Variants in PLD2 observed in about 807,000 individuals in gnomAD.
The protein encoded by PLD2 is phospholipase D2, also known as choline phosphatase 2.
Under a neutral mutation model 119.8 loss-of-function variants are expected in PLD2, and 101 were observed. The ratio of observed to expected loss-of-function variants is 0.84; its 90% CI spans 0.72 to 0.99. The LOEUF is 0.99. Among genes scored for constraint, PLD2 ranks in the 50% least tolerant of loss-of-function variants. The pLI, the probability that PLD2 is intolerant of heterozygous loss-of-function variation, is 0.00. For missense variants in PLD2, 1,164 were observed against 1,226.8 expected (o/e 0.95, Z 0.76); for synonymous variants, 494 against 482.8 (o/e 1.02, Z -0.30).
intron 6 of PLD2, 39 bp from the exon 7 acceptor site, chr17:4,809,454 A>G (rs1906209815): frequency 2.5e-6 from 4 of 1,610,666 alleles, no homozygotes; most frequent in Non-Finnish European, 3.4e-6. Flanking sequence ...AGGGGCTGAA[A>G]GCCAGGTGTC....
intron 15 of PLD2, 36 bp from the exon 16 acceptor site, chr17:4,816,901 C>A (rs1351925718): frequency 1.3e-6 from 2 of 1,590,630 alleles, no homozygotes; most frequent in South Asian, 2.2e-5. Flanking sequence ...GGAGTCCAGC[C>A]CTGACATCTC....
Position 4,807,757 on chromosome 17 carries a change from T to TC in PLD2, c.-1-12dup, listed in dbSNP as rs748719865. 1.3e-5 allele frequency: 20 copies of TC among 1,493,962 alleles called. No individual in the cohort carries two copies. The highest frequency in any genetic ancestry group is 1.2e-4 in the Admixed American group (7 of 58,102). 92.5% of individuals were successfully genotyped at this position (1,493,962 alleles called of 1,614,324 possible). A position where few individuals can be genotyped will look rare whatever the true frequency, so the allele number is the denominator to read the frequency against. ...CAGGACAGCTCGCCTCCCTGAGGCT[T>TC]CCCAATGTTCCTAGGATGACGGCGA... On this transcript the variant is annotated splice_polypyrimidine_tract_variant and intron_variant, in intron 1 of 24. Coordinates refer to ENST00000263088, the MANE Select transcript of PLD2 (RefSeq NM_002663.5). This position sits in a 1 kb window ranked among gnomAD's most constrained non-coding sequence, Gnocchi z 5.4.
chr17:4,814,216 G>T, intron 10 of PLD2: 1 of 643,582 alleles, frequency 1.6e-6, no homozygotes, highest in Non-Finnish European at 2.5e-6. Context: ...TTAGGTTATT[G>T]TGTCTTTTTG....
At chr17:4,821,934 A>C in intron 24 of PLD2, 27 bp downstream of exon 24, 1 of 1,480,228 alleles carries the variant, frequency 6.8e-7, no homozygotes, top group South Asian at 1.1e-5. Context: ...GGTGGGGGAG[A>C]GTGGCCTGGG....
intron 13 of PLD2, 60 bp downstream of exon 13, chr17:4,815,646 C>T (rs989250195): frequency 3.2e-6 from 5 of 1,573,728 alleles, no homozygotes; most frequent in Non-Finnish European, 4.4e-6. Context: ...ACTGTCCCAG[C>T]CCCCAGCGCT....
chr17:4,810,880 A>G lies in PLD2; in HGVS notation c.939A>G (p.Pro313=). 6.2e-7 allele frequency: 1 copy of G among 1,613,972 alleles called. No homozygotes were observed. Among genetic ancestry groups the G allele is most frequent in the Non-Finnish European group, 8.5e-7 (1 of 1,179,972 alleles). ...AQEITELAQG[P]GRDFLQLHRH... ...AGATCACTGAGCTGGCACAGGGCCC[A>G]GGCAGAGACTTCCTACAGCTGCACC... Residue 313 remains proline, a synonymous_variant, in exon 10 of 25, where the codon CCA becomes CCG. Transcript: ENST00000263088.
chr17:4,818,471 C>T (rs2150678563), intron 19 of PLD2, 23 bp from the exon 20 acceptor site: 1 of 1,604,374 alleles, frequency 6.2e-7, no homozygotes, highest in Non-Finnish European at 8.5e-7. Flanking sequence ...CCAGTCGCAC[C>T]TCTGACTCCA....
At chr17:4,818,213 GC>G in intron 18 of PLD2, 83 bp from the exon 19 acceptor site, 1 of 1,425,670 alleles carries the variant, frequency 7.0e-7, no homozygotes, top group South Asian at 1.2e-5. Context: ...AGAAGCAGAC[GC>G]CTGGAGCCTG....
Position 4,807,735 on chromosome 17 carries a change from G to T in PLD2, c.-1-37G>T. 1 of 1,202,070 alleles carries T rather than the reference G, an allele frequency of 8.3e-7. No individual in the cohort carries two copies. The highest frequency in any genetic ancestry group is 1.2e-6 in the Non-Finnish European group (1 of 820,972). The allele number at this position is 1,202,070 out of a possible 1,614,324, so 74.5% of individuals were successfully genotyped here. A position where few individuals can be genotyped will look rare whatever the true frequency, so the allele number is the denominator to read the frequency against. On this transcript the variant is annotated intron_variant, in intron 1 of 24. Coordinates refer to ENST00000263088, the MANE Select transcript of PLD2 (RefSeq NM_002663.5). This position sits in a 1 kb window ranked among gnomAD's most constrained non-coding sequence, Gnocchi z 5.4. Reference sequence around the variant, plus strand: ...TTAGGATGGGGGGCGGGTTCTGCAGGACAGCTCGCCTCCCTGAGGCTTCCC... The same window carrying T: ...TTAGGATGGGGGGCGGGTTCTGCAGTACAGCTCGCCTCCCTGAGGCTTCCC...
At position 4,819,400 on chromosome 17, in the gene PLD2, GCA is replaced by G. The variant is rs565273789; in HGVS notation, c.2309-24_2309-23del. On this transcript the variant is annotated intron_variant, in intron 22 of 24. Transcript: ENST00000263088. This position sits in a 1 kb window ranked among gnomAD's most constrained non-coding sequence, Gnocchi z 4.2. ...ACTGGGGAGAGTGCCCTGGGCCCAAGCACACAGTGTGCCCCGCATCCACCCCA... is the reference window on the plus strand; with the variant it reads ...ACTGGGGAGAGTGCCCTGGGCCCAAGCACAGTGTGCCCCGCATCCACCCCA... 182 of 1,611,362 alleles carry G rather than the reference GCA, an allele frequency of 1.1e-4. No individual in the cohort carries two copies. In the African/African-American group the frequency reaches 2.1e-3, roughly 19 times the overall value.
Position 4,818,485 on chromosome 17 carries a change from C to T in PLD2, c.2010-9C>T, listed in dbSNP as rs147390677. 3.1e-4 allele frequency: 496 copies of T among 1,610,582 alleles called. No individual in the cohort carries two copies. The African/African-American group carries it at 5.5e-3, about 18-fold the overall frequency. ...ACCAGTCGCACCTCTGACTCCACCC[C>T]CTCCCCAGACAGGGGTGGTGTTACC... On this transcript the variant is annotated splice_polypyrimidine_tract_variant and intron_variant, in intron 19 of 24. Coordinates refer to ENST00000263088, the MANE Select transcript of PLD2 (RefSeq NM_002663.5).
At chr17:4,816,799 C>G (rs1907021513) in intron 15 of PLD2, 53 bp downstream of exon 15, 2 of 1,613,344 alleles carry the variant, frequency 1.2e-6, no homozygotes, top group Non-Finnish European at 1.7e-6. Context: ...GGGTCAGAAG[C>G]TGGGGCTGGT....
rs759703141 is a variant in PLD2 at position 4,822,740 on chromosome 17, G to C, written c.2678G>C (p.Arg893Pro). 2 of 1,613,950 alleles carry C rather than the reference G, an allele frequency of 1.2e-6. No individual in the cohort carries two copies. Among genetic ancestry groups the C allele is most frequent in the African/African-American group, 1.3e-5 (1 of 75,038 alleles). Reference sequence around the variant, plus strand: ...GCCACGGTCAGTCCCCCCTTGGCTCGGTCTGAGCTCACCCAGGTCCAGGGC... The same window carrying C: ...GCCACGGTCAGTCCCCCCTTGGCTCCGTCTGAGCTCACCCAGGTCCAGGGC... ...PLATVSPPLA[R>P]SELTQVQGHL... Residue 893 changes from arginine to proline, a missense_variant, in exon 25 of 25, where the codon CGG (arginine) becomes CCG (proline). By Grantham distance (103) the Arg-to-Pro change is moderately radical (BLOSUM62 -2). Coordinates refer to ENST00000263088, the MANE Select transcript of PLD2 (RefSeq NM_002663.5).
chr17:4,815,721 T>C (rs1010464522), intron 13 of PLD2, 43 bp from the exon 14 acceptor site: 2 of 1,606,830 alleles, frequency 1.2e-6, no homozygotes, highest in Non-Finnish European at 1.7e-6. Context: ...CCTGTTTTCC[T>C]TCACCTAAAC....
At chr17:4,820,272 T>A (rs565698092) in intron 23 of PLD2, among the ~76,000 whole-genome samples, 1 of 147,652 alleles carries the variant, frequency 6.8e-6, no homozygotes, top group African/African-American at 2.5e-5. Flanking sequence ...TTGTTGTTGT[T>A]GTTGTTGTTG....
In PLD2 at chr17:4,814,434, G is replaced by A; in HGVS notation, c.1027G>A (p.Gly343Ser). Residue 343 changes from glycine (G) to serine (S), a missense_variant, in exon 11 of 25, where the codon GGT (glycine) becomes AGT (serine). Physicochemically the swap from Gly to Ser is moderately conservative, Grantham distance 56. Transcript: ENST00000263088. ...TLARWFVNGAGYFAAVADAIL... is the reference protein window; with the variant it reads ...TLARWFVNGASYFAAVADAIL... ...TCCCCCCAGGTTTGTGAATGGGGCA[G>A]GTTACTTTGCTGCTGTGGCAGATGC... 1.2e-6 allele frequency: 2 copies of A among 1,611,872 alleles called. No individual in the cohort carries two copies. Among genetic ancestry groups the A allele is most frequent in the South Asian group, 2.2e-5 (2 of 90,652 alleles).
chr17:4,819,127 T>A lies in PLD2; in HGVS notation c.2217T>A (p.Arg739=), dbSNP rs1374603498. 3 of 1,614,034 alleles carry A rather than the reference T, an allele frequency of 1.9e-6. No homozygotes were observed. The African/African-American group carries it at 4.0e-5, about 22-fold the overall frequency. The change falls in exon 22 of 25, where the codon CGT becomes CGA. Residue 739 remains arginine (R), a synonymous_variant. Transcript: ENST00000263088. The surrounding 1 kb of genome is among the most constrained non-coding windows in gnomAD (Gnocchi z 4.2). ...ACTATATTTCCATCTGCGGGCTTCG[T>A]ACACACGGAGAGCTGGGCGGGCACC... ...WRDYISICGL[R]THGELGGHPV...
chr17:4,819,288 G>A lies in PLD2; in HGVS notation c.2308+70G>A, dbSNP rs1907390728. On this transcript the variant is annotated intron_variant, in intron 22 of 24. Coordinates refer to ENST00000263088, the MANE Select transcript of PLD2 (RefSeq NM_002663.5). The surrounding 1 kb of genome is among the most constrained non-coding windows in gnomAD (Gnocchi z 4.2). ...CAGGCGAAGAGATGAGAGGCAGGAT[G>A]ACAGAGACTGCAGCTGAGGCTCGTG... 4.4e-6 allele frequency: 7 copies of A among 1,601,566 alleles called. No homozygotes were observed. In the Admixed American group the frequency reaches 5.0e-5, roughly 11 times the overall value.
At chr17:4,818,633 C>T (rs762355135) in intron 20 of PLD2, 26 bp downstream of exon 20, 1 of 1,574,552 alleles carries the variant, frequency 6.4e-7, no homozygotes, top group Non-Finnish European at 8.7e-7. Flanking sequence ...GACTCCAGCT[C>T]TCAGTGGCCC....
Sources: gnomAD v4.1 joint callset for allele counts (sites outside exome capture counted in the v4.1 genomes callset) on GRCh38, gnomAD v4.1.1 for gene constraint, Gnocchi (gnomAD v3.1) non-coding constraint, MANE v1.5 for transcripts, NCBI Gene and HGNC (gene_info 2026-07-23, HGNC 2026-07-21) for gene names.